The following ZNF426 variants were observed in gnomAD, a reference collection of about 807,000 sequenced individuals.
ZNF426 encodes the protein CTC-543D15.7.
In ZNF426, 23 loss-of-function variants were observed where a neutral mutation model predicts 24.0. The observed-to-expected ratio is 0.96, with a 90% CI of 0.69 to 1.36. The LOEUF is 1.36. Among genes scored for constraint, ZNF426 ranks in the 40% most tolerant of loss-of-function variants. The pLI is 0.00. For synonymous variants in ZNF426, 272 were observed against 224.6 expected, an observed-to-expected ratio of 1.21 and a Z score of -1.89; for missense variants, 646 against 658.4, an observed-to-expected ratio of 0.98 and a Z score of 0.21.
Position 9,531,034 on chromosome 19 carries a change from A to G in ZNF426, c.359T>C (p.Ile120Thr), listed in dbSNP as rs2073875633. ...ACCCCTCAAAAAGTCCTGCTGAAGTATAGACCACTGGGTTTCAAGTCGCAT... is the reference window on the plus strand; with the variant it reads ...ACCCCTCAAAAAGTCCTGCTGAAGTGTAGACCACTGGGTTTCAAGTCGCAT... ...WEMRLETQWS[I>T]LQQDFLRGQT... Residue 120 changes from isoleucine to threonine, a missense_variant, in exon 7 of 8, where the codon ATA becomes ACA. Transcript: ENST00000253115. 1.2e-6 allele frequency: 2 copies of G among 1,614,062 alleles called. No individual in the cohort carries two copies. The highest frequency in any genetic ancestry group is 1.7e-6 in the Non-Finnish European group (2 of 1,180,000).
chr19:9,537,139 AT>A (rs111495488), intron 2 of ZNF426, among the ~76,000 whole-genome samples: 9,483 of 148,428 alleles, frequency 0.064, 986 homozygotes, highest in African/African-American at 0.23. Context: ...CAAAAAAAAA[AT>A]AATAATAATA....
rs751636170 is a variant in ZNF426 at position 9,533,907 on chromosome 19, C to T, written c.177G>A (p.Leu59=). 6.2e-7 allele frequency: 1 copy of T among 1,614,120 alleles called. No homozygotes were observed. The highest frequency in any genetic ancestry group is 1.3e-5 in the African/African-American group (1 of 75,040). ...VDFTQEEWTL[L]DSTQRSLYSD... The stretch of plus-strand genomic sequence containing the variant: ...TGTAGAGGCTTCTCTGAGTTGAGTC[C>T]AGTAAAGTCCACTCCTCCTGGGTGA... The change falls in exon 5 of 8, where the codon CTG becomes CTA. Residue 59 remains leucine (L), a synonymous_variant. Coordinates refer to ENST00000253115, the MANE Select transcript of ZNF426 (RefSeq NM_024106.3).
chr19:9,530,463 A>G (rs2073866283), intron 7 of ZNF426, among the ~76,000 whole-genome samples: 1 of 149,672 alleles, frequency 6.7e-6, no homozygotes, highest in Non-Finnish European at 1.5e-5. Flanking sequence ...CGACCAAAAA[A>G]AAAAAATTCA....
intron 7 of ZNF426, 111 bp downstream of exon 7, chr19:9,530,874 C>G (rs955431939): frequency 7.4e-6 from 6 of 815,886 alleles, no homozygotes; most frequent in African/African-American, 5.1e-5. Context: ...TGCTCCCTCT[C>G]ATGTGTATGC....
intron 5 of ZNF426, among the ~76,000 whole-genome samples, chr19:9,533,249 C>A (rs552266162): frequency 6.6e-6 from 1 of 151,186 alleles, no homozygotes; most frequent in African/African-American, 2.4e-5. Flanking sequence ...AGTTCGAGAC[C>A]AGCCTGGCCA....
chr19:9,538,562 C>T lies in ZNF426; in HGVS notation c.-212+13G>A, dbSNP rs1033630976. On this transcript the variant is annotated intron_variant, in intron 1 of 7. Coordinates refer to ENST00000253115, the MANE Select transcript of ZNF426 (RefSeq NM_024106.3). ...CCTTCACCCCAAAACCAGTTCATCT[C>T]CTCGGAACTCACCCAGGCCAGTGAG... 1.3e-5 allele frequency: 2 copies of T among 152,250 alleles called. No individual in the cohort carries two copies. Among genetic ancestry groups the T allele is most frequent in the African/African-American group, 4.8e-5 (2 of 41,434 alleles). The allele number at this position is 152,250 out of a possible 1,614,324, so 9.4% of individuals were successfully genotyped here.
Position 9,528,107 on chromosome 19 carries a change from G to C in ZNF426, c.*273C>G, listed in dbSNP as rs1375130925. ...GGGTTCAAGTGATTCACTTGCCTCA[G>C]CCTCCCAAGTAGCTGGGATTACAGG... On this transcript the variant is annotated 3_prime_UTR_variant, in exon 8 of 8. Transcript: ENST00000253115. The C allele has an allele frequency of 3.4e-6, 1 of 296,172 alleles. No homozygotes were observed. Among genetic ancestry groups the C allele is most frequent in the Non-Finnish European group, 6.3e-6 (1 of 159,078 alleles). The allele number at this position is 296,172 out of a possible 1,614,324, so 18.3% of individuals were successfully genotyped here. A position where few individuals can be genotyped will look rare whatever the true frequency, so the allele number is the denominator to read the frequency against.
At position 9,528,146 on chromosome 19, in the gene ZNF426, T is replaced by A. The variant is rs1172053078; in HGVS notation, c.*234A>T. On this transcript the variant is annotated 3_prime_UTR_variant, in exon 8 of 8. Coordinates refer to ENST00000253115, the MANE Select transcript of ZNF426 (RefSeq NM_024106.3). ...TGGGATTACAGGTGCCCACCACACC[T>A]GGCTAAATTTTTTGTATTTTCAGTA... 1.5e-5 allele frequency: 6 copies of A among 411,410 alleles called. No individual in the cohort carries two copies. The highest frequency in any genetic ancestry group is 4.3e-5 in the Admixed American group (1 of 23,524). 25.5% of individuals were successfully genotyped at this position (411,410 alleles called of 1,614,324 possible).
At chr19:9,532,119 C>T (rs971695014) in intron 6 of ZNF426, among the ~76,000 whole-genome samples, 7 of 152,002 alleles carry the variant, frequency 4.6e-5, no homozygotes, top group East Asian at 3.9e-4. Flanking sequence ...CTGAGATGAC[C>T]GCTACGTGAC....
Position 9,537,333 on chromosome 19 carries a change from C to G in ZNF426, c.-125+926G>C, listed in dbSNP as rs536468488. Among the ~76,000 whole-genome samples, 4 of 152,138 alleles carry G rather than the reference C, an allele frequency of 2.6e-5. No homozygotes were observed. In the South Asian group the frequency reaches 8.3e-4, roughly 32 times the overall value. On this transcript the variant is annotated intron_variant, in intron 2 of 7. Transcript: ENST00000253115. ...TAAAACCCTAAAGTCACAAAAACCA[C>G]AGTTCTGGACTCCTGGTATAGATCA...
chr19:9,532,992 A>C, intron 5 of ZNF426, 67 bp from the exon 6 acceptor site: 2 of 1,295,970 alleles, frequency 1.5e-6, no homozygotes, highest in Non-Finnish European at 2.2e-6. Context: ...TCTGTGATTC[A>C]GGAACTACAG....
rs776251563 is a variant in ZNF426 at position 9,528,727 on chromosome 19, G to A, written c.1318C>T (p.Arg440Ter). The A allele has an allele frequency of 2.7e-5, 43 of 1,613,770 alleles. No homozygotes were observed. The highest frequency in any genetic ancestry group is 3.3e-4 in the Middle Eastern group (2 of 6,084). The change falls in exon 8 of 8, where the codon CGA becomes TGA. Residue 440 changes from arginine to a stop codon, truncating the protein, a stop_gained. Transcript: ENST00000253115. LOFTEE classifies it low-confidence loss of function (END_TRUNC). ...TATGGTTTCTGGGCACTGTGCGTTCGCATGTGATTATTAAGACATGAGGGA... is the reference window on the plus strand; with the variant it reads ...TATGGTTTCTGGGCACTGTGCGTTCACATGTGATTATTAAGACATGAGGGA... ...GYPSCLNNHM[R>*]THSAQKPYTC...
rs571309532 is a variant in ZNF426 at position 9,535,308 on chromosome 19, C to G, written c.26-29G>C. The G allele has an allele frequency of 4.4e-4, 690 of 1,561,076 alleles. 11 individuals carry two copies. In the South Asian group the frequency reaches 7.1e-3, roughly 16 times the overall value. ...TAAGAAAATGAAGGCAAGAGAACCC[C>G]GAGCTGACCATAATCCCCACATCCA... On this transcript the variant is annotated intron_variant, in intron 3 of 7. Transcript: ENST00000253115.
rs756535268 is a variant in ZNF426, at chr19:9,529,097, G to A, written c.948C>T (p.Ala316=). The part of the protein sequence containing the change: ...KPYECKECGK[A]FNYSNSFQIH... ...TCTGAAATGAGTTGGAATAATTGAA[G>A]GCTTTCCCACATTCCTTACATTCAT... The change falls in exon 8 of 8, where the codon GCC becomes GCT. Residue 316 remains alanine (A), a synonymous_variant. Coordinates refer to ENST00000253115, the MANE Select transcript of ZNF426 (RefSeq NM_024106.3). The A allele has an allele frequency of 2.3e-5, 37 of 1,613,744 alleles. No individual in the cohort carries two copies. The African/African-American group carries it at 4.7e-4, about 20-fold the overall frequency.
At position 9,524,438 on chromosome 19, in the gene ZNF426, A is replaced by G. The variant is rs1399150281; in HGVS notation, c.*3942T>C. On this transcript the variant is annotated 3_prime_UTR_variant, in exon 8 of 8. Transcript: ENST00000253115. Reference sequence around the variant, plus strand: ...CTTTACCACAATTCTAACATTGATAAGATTTCTCTCCAGTGTGAGTTCTTT... The same window carrying G: ...CTTTACCACAATTCTAACATTGATAGGATTTCTCTCCAGTGTGAGTTCTTT... 7 of 152,242 alleles carry G rather than the reference A, an allele frequency of 4.6e-5. No individual in the cohort carries two copies. The highest frequency in any genetic ancestry group is 2.9e-5 in the Non-Finnish European group (2 of 68,056). 9.4% of individuals were successfully genotyped at this position (152,242 alleles called of 1,614,324 possible). A position where few individuals can be genotyped will look rare whatever the true frequency, so the allele number is the denominator to read the frequency against.
chr19:9,529,172 G>C lies in ZNF426; in HGVS notation c.873C>G (p.Tyr291Ter), dbSNP rs202102357. The change falls in exon 8 of 8, where the codon TAC (tyrosine) becomes TAG (stop). Residue 291 changes from tyrosine to a stop codon, truncating the protein, a stop_gained. Coordinates refer to ENST00000253115, the MANE Select transcript of ZNF426 (RefSeq NM_024106.3). LOFTEE classifies it low-confidence loss of function (END_TRUNC). Reference sequence around the variant, plus strand: ...GCATGTGAATACTGAGGTAGGCTGGGTATCTATAGCCTTTTCCACATTCCT... The same window carrying C: ...GCATGTGAATACTGAGGTAGGCTGGCTATCTATAGCCTTTTCCACATTCCT... ...KCKECGKGYR[Y>*]PAYLSIHMRT... The C allele has an allele frequency of 5.0e-5, 80 of 1,614,046 alleles. No homozygotes were observed. Among genetic ancestry groups the C allele is most frequent in the Non-Finnish European group, 6.5e-5 (77 of 1,180,038 alleles).
chr19:9,528,144 C>A lies in ZNF426; in HGVS notation c.*236G>T, dbSNP rs2073818174. The A allele has an allele frequency of 2.5e-6, 1 of 406,552 alleles. No homozygotes were observed. Among genetic ancestry groups the A allele is most frequent in the Non-Finnish European group, 4.4e-6 (1 of 228,074 alleles). 25.2% of individuals were successfully genotyped at this position (406,552 alleles called of 1,614,324 possible). On this transcript the variant is annotated 3_prime_UTR_variant, in exon 8 of 8. Coordinates refer to ENST00000253115, the MANE Select transcript of ZNF426 (RefSeq NM_024106.3). ...GCTGGGATTACAGGTGCCCACCACA[C>A]CTGGCTAAATTTTTTGTATTTTCAG... is the stretch of plus-strand genomic sequence containing the variant.
chr19:9,536,176 C>T, intron 3 of ZNF426, 32 bp downstream of exon 3: 1 of 1,614,074 alleles, frequency 6.2e-7, no homozygotes, highest in African/African-American at 1.3e-5. Context: ...GAACCTAGAA[C>T]AGGATATCCT....
In ZNF426 at chr19:9,531,051, A is replaced by C; in HGVS notation, c.342T>G (p.Leu114=). Residue 114 remains leucine (L), a synonymous_variant, in exon 7 of 8, where the codon CTT becomes CTG. Coordinates refer to ENST00000253115, the MANE Select transcript of ZNF426 (RefSeq NM_024106.3). ...GCTGAAGTATAGACCACTGGGTTTC[A>C]AGTCGCATTTCCCATCCTGAAATAA... ...GGVLQGWEMR[L]ETQWSILQQD... 1 of 1,614,020 alleles carries C rather than the reference A, an allele frequency of 6.2e-7. No individual in the cohort carries two copies. Among genetic ancestry groups the C allele is most frequent in the Non-Finnish European group, 8.5e-7 (1 of 1,179,870 alleles).
Sources: gnomAD v4.1 joint callset for allele counts (sites outside exome capture counted in the v4.1 genomes callset) on GRCh38, gnomAD v4.1.1 for gene constraint, MANE v1.5 for transcripts, NCBI Gene and HGNC (gene_info 2026-07-23, HGNC 2026-07-21) for gene names.